COA1: variants seen among roughly 807,000 people sequenced by gnomAD.
COA1 encodes the protein cytochrome c oxidase assembly factor 1.
Under a neutral mutation model 16.0 loss-of-function variants are expected in COA1, and 13 were observed. The ratio of observed to expected loss-of-function variants is 0.81; its 90% CI spans 0.53 to 1.29. COA1 has a LOEUF of 1.29. Ranked by LOEUF, COA1 falls within the 50% of genes most tolerant of loss-of-function variation. The probability of loss-of-function intolerance (pLI) is 0.00; values close to 1 mark genes in which losing one functional copy is unlikely to be tolerated. For synonymous variants in COA1, 65 were observed against 65.7 expected, an observed-to-expected ratio of 0.99 and a Z score of 0.05; for missense variants, 179 against 177.0, an observed-to-expected ratio of 1.01 and a Z score of -0.06.
chr7:43,678,141 A>AAC (rs1427413934), intron 1 of COA1, among the ~76,000 whole-genome samples: 3 of 152,216 alleles, frequency 2.0e-5, no homozygotes, highest in Non-Finnish European at 4.4e-5. Flanking sequence ...TCCTGTTGAA[A>AAC]ACAACTTAGT....
chr7:43,625,685 G>A (rs1374605376), intron 6 of COA1: 1 of 151,668 alleles, frequency 6.6e-6, no homozygotes. Flanking sequence ...CAACACTCTG[G>A]TTACCTTGGT....
rs1470720226 is a variant in COA1 at position 43,690,424 on chromosome 7, TATATATACACACACACAC to T, written c.-39+38987_-39+39004del. The stretch of plus-strand genomic sequence containing the variant: ...ATATATATGTATGTACAGACACACA[TATATATACACACACACAC>T]ATATATACACACACACACATATATG... On this transcript the variant is annotated intron_variant, in intron 1 of 5. Transcript: ENST00000223336. Among the ~76,000 whole-genome samples, 39 of 152,040 alleles carry T rather than the reference TATATATACACACACACAC, an allele frequency of 2.6e-4. 1 individual carries two copies. Among genetic ancestry groups the T allele is most frequent in the Middle Eastern group, 3.4e-3 (1 of 294 alleles).
rs1401628218 is a variant in COA1 at position 43,641,328 on chromosome 7, A to AC, written c.265-680_265-679insG. 4 of 151,630 alleles carry AC rather than the reference A, an allele frequency of 2.6e-5. 1 individual carries two copies. The highest frequency in any genetic ancestry group is 4.2e-4 in the South Asian group (2 of 4,812). 9.4% of individuals were successfully genotyped at this position (151,630 alleles called of 1,614,324 possible). On this transcript the variant is annotated intron_variant, in intron 4 of 5. Transcript: ENST00000223336. ...GTAAATTTTACCTCAAAAAAAAAAA[A>AC]AAAAACCAGGAACCATAACAAATAT...
chr7:43,616,275 CAGGTTCAT>C (rs2083332987), intron 6 of COA1, among the ~76,000 whole-genome samples: 1 of 152,158 alleles, frequency 6.6e-6, no homozygotes, highest in South Asian at 2.1e-4. Flanking sequence ...TTGAGCCTGG[CAGGTTCAT>C]CTATTTTCTC....
intron 3 of COA1, chr7:43,647,235 T>C (rs1469488256): frequency 2.2e-5 from 10 of 447,556 alleles, no homozygotes; most frequent in South Asian, 1.7e-4. Context: ...CCCTTCTTTA[T>C]ATAATCTCAG....
chr7:43,695,948 C>T (rs1362048414), intron 1 of COA1, among the ~76,000 whole-genome samples: 28 of 152,178 alleles, frequency 1.8e-4, no homozygotes, highest in Admixed American at 1.8e-3. Flanking sequence ...TTTCACACTG[C>T]TGATAAAGAC....
At chr7:43,662,126 A>G (rs1430669931) in intron 1 of COA1, among the ~76,000 whole-genome samples, 3 of 152,260 alleles carry the variant, frequency 2.0e-5, no homozygotes, top group Non-Finnish European at 2.9e-5. Flanking sequence ...TGTTGTATCA[A>G]AGAAGATCTA....
At chr7:43,683,754 G>A (rs935951308) in intron 1 of COA1, among the ~76,000 whole-genome samples, 4 of 152,016 alleles carry the variant, frequency 2.6e-5, no homozygotes, top group African/African-American at 9.7e-5. Flanking sequence ...TTTCTCTGAA[G>A]AAGTACTATT....
At chr7:43,618,841 G>T (rs942819746) in intron 6 of COA1, among the ~76,000 whole-genome samples, 1 of 152,078 alleles carries the variant, frequency 6.6e-6, no homozygotes. Flanking sequence ...GAGAACTTAG[G>T]GTAGAAGTCA....
chr7:43,621,003 A>G (rs1353573274), intron 6 of COA1, among the ~76,000 whole-genome samples: 1 of 152,210 alleles, frequency 6.6e-6, no homozygotes, highest in East Asian at 1.9e-4. Flanking sequence ...CTCCTTTCAG[A>G]GAAGAGGGTA....
chr7:43,647,385 C>T lies in COA1; in HGVS notation c.115+150G>A, dbSNP rs1025254068. On this transcript the variant is annotated intron_variant, in intron 3 of 5. Transcript: ENST00000223336. ...CTGAGATTACAGGATACAGAGGAAGCTATAGCCAACGAAATGGTGGACTAG... is the reference window on the plus strand; with the variant it reads ...CTGAGATTACAGGATACAGAGGAAGTTATAGCCAACGAAATGGTGGACTAG... 6.0e-6 allele frequency: 4 copies of T among 664,276 alleles called. No individual in the cohort carries two copies. In the Admixed American group the frequency reaches 9.5e-5, roughly 16 times the overall value. 41.1% of individuals were successfully genotyped at this position (664,276 alleles called of 1,614,324 possible). A position where few individuals can be genotyped will look rare whatever the true frequency, so the allele number is the denominator to read the frequency against.
chr7:43,722,587 G>A (rs1236811145), intron 1 of COA1, among the ~76,000 whole-genome samples: 1 of 151,632 alleles, frequency 6.6e-6, no homozygotes, highest in African/African-American at 2.4e-5. Context: ...ATTTTTAGTA[G>A]AGACGGGGTT....
chr7:43,691,730 C>T (rs1452620099), intron 1 of COA1, among the ~76,000 whole-genome samples: 2 of 152,210 alleles, frequency 1.3e-5, no homozygotes, highest in African/African-American at 4.8e-5. Context: ...CTGTGAGAAC[C>T]TCAGGATTCA....
chr7:43,705,374 G>T (rs886754081), intron 1 of COA1, among the ~76,000 whole-genome samples: 1 of 152,254 alleles, frequency 6.6e-6, no homozygotes, highest in Admixed American at 6.5e-5. Context: ...GCTACCGGCA[G>T]GTGCACATTG....
intron 1 of COA1, among the ~76,000 whole-genome samples, chr7:43,718,999 T>C (rs983780153): frequency 2.1e-5 from 3 of 146,234 alleles, no homozygotes; most frequent in African/African-American, 7.6e-5. Context: ...TGAGATGGAG[T>C]CTCACTCTGT....
chr7:43,698,416 G>C (rs998103689), intron 1 of COA1, among the ~76,000 whole-genome samples: 5 of 152,124 alleles, frequency 3.3e-5, no homozygotes, highest in Non-Finnish European at 7.4e-5. Flanking sequence ...CAGCTCATTG[G>C]TATAAATGAC....
chr7:43,696,360 A>G (rs968172999), intron 1 of COA1, among the ~76,000 whole-genome samples: 2 of 152,212 alleles, frequency 1.3e-5, no homozygotes, highest in Non-Finnish European at 2.9e-5. Flanking sequence ...TGGCCCCGCC[A>G]TTGACATATG....
intron 6 of COA1, chr7:43,624,627 C>CAA: frequency 6.2e-7 from 1 of 1,614,072 alleles, no homozygotes; most frequent in Non-Finnish European, 8.5e-7. Flanking sequence ...AAATGCCCTC[C>CAA]AAGAAGGTCA....
At chr7:43,637,386 T>C (rs1317993482), downstream of COA1, among the ~76,000 whole-genome samples, 1 of 152,180 alleles carries the variant, frequency 6.6e-6, no homozygotes, top group Non-Finnish European at 1.5e-5. Context: ...CTGCAGTCTT[T>C]ACAAGTCTAC....
Sources: gnomAD v4.1 joint callset for allele counts (sites outside exome capture counted in the v4.1 genomes callset) on GRCh38, gnomAD v4.1.1 for gene constraint, MANE v1.5 for transcripts, NCBI Gene and HGNC (gene_info 2026-07-23, HGNC 2026-07-21) for gene names.